The following PRKG1 variants were observed in gnomAD, a reference collection of about 807,000 sequenced individuals.
The protein encoded by PRKG1 is cGMP-dependent protein kinase 1.
PRKG1 carries 35 observed loss-of-function variants against 88.1 expected under a neutral mutation model. The observed-to-expected ratio is 0.40, with a 90% CI of 0.30 to 0.53. PRKG1 has a LOEUF of 0.53. Among genes scored for constraint, PRKG1 ranks in the 20% least tolerant of loss-of-function variants. The pLI, the probability that PRKG1 is intolerant of heterozygous loss-of-function variation, is 0.59. For synonymous variants in PRKG1, 303 were observed against 292.5 expected, an observed-to-expected ratio of 1.04 and a Z score of -0.37; for missense variants, 540 against 839.8, an observed-to-expected ratio of 0.64 and a Z score of 4.41.
intron 5 of PRKG1, among the ~76,000 whole-genome samples, chr10:51,939,150 G>A (rs1241185449): frequency 6.6e-6 from 1 of 151,976 alleles, no homozygotes; most frequent in African/African-American, 2.4e-5. Context: ...TATTCTCTTA[G>A]TGTTGCTCCA....
At chr10:51,705,147 G>A (rs1305375950) in intron 3 of PRKG1, among the ~76,000 whole-genome samples, 3 of 151,922 alleles carry the variant, frequency 2.0e-5, no homozygotes, top group African/African-American at 7.3e-5. Context: ...ATTTGTCAGG[G>A]ATGCTTCCTT....
At chr10:51,566,937 AGAG>A (rs150245409) in intron 3 of PRKG1, among the ~76,000 whole-genome samples, 9 of 151,238 alleles carry the variant, frequency 6.0e-5, no homozygotes, top group African/African-American at 2.2e-4. Flanking sequence ...TAAAAAAAAA[AGAG>A]AGAGAGAGAA....
At chr10:52,196,172 C>T (rs971115979) in intron 9 of PRKG1, among the ~76,000 whole-genome samples, 1 of 152,102 alleles carries the variant, frequency 6.6e-6, no homozygotes, top group African/African-American at 2.4e-5. Flanking sequence ...GCCACCACGC[C>T]TGGCTAATTT....
intron 7 of PRKG1, among the ~76,000 whole-genome samples, chr10:52,072,158 C>CTTTTTTTTTTTT (rs60576406): frequency 1.5e-4 from 6 of 39,564 alleles, no homozygotes; most frequent in Admixed American, 4.4e-4. Context: ...TATTGTTTTG[C>CTTTTTTTTTTTT]TTTTTTTTTT....
At chr10:51,248,398 T>C (rs943029765) in intron 2 of PRKG1, among the ~76,000 whole-genome samples, 2 of 151,878 alleles carry the variant, frequency 1.3e-5, no homozygotes, top group African/African-American at 4.8e-5. Context: ...TTATTATTAA[T>C]GTTTTATTAA....
Position 52,293,185 on chromosome 10 carries a change from C to G in PRKG1, c.1963-617C>G, listed in dbSNP as rs530738270. On this transcript the variant is annotated intron_variant, in intron 17 of 17. Transcript: ENST00000373980. The stretch of plus-strand genomic sequence containing the variant: ...AATTGCTTCAAAGAGAATAAAATAC[C>G]TAGGAATCCAACTTCCAAGGGATGT... Among the ~76,000 whole-genome samples the G allele has an allele frequency of 1.6e-3, 234 of 150,788 alleles. 1 individual carries two copies. The highest frequency in any genetic ancestry group is 2.2e-3 in the Non-Finnish European group (146 of 67,772).
At chr10:52,276,600 C>G (rs1437603572) in intron 12 of PRKG1, among the ~76,000 whole-genome samples, 4 of 152,102 alleles carry the variant, frequency 2.6e-5, no homozygotes, top group Admixed American at 6.6e-5. Context: ...CCACCCATCC[C>G]CAAAGAGGGC....
Position 51,881,266 on chromosome 10 carries a change from G to T in PRKG1, c.699-26241G>T, listed in dbSNP as rs538166899. ...TCACTTATCTACTGAGGTATAACAAGCTAACCCAAACCTTAGACTGTTAAA... is the reference window on the plus strand; with the variant it reads ...TCACTTATCTACTGAGGTATAACAATCTAACCCAAACCTTAGACTGTTAAA... On this transcript the variant is annotated intron_variant, in intron 4 of 17. Coordinates refer to ENST00000373980, the MANE Select transcript of PRKG1 (RefSeq NM_006258.4). Among the ~76,000 whole-genome samples, 5 of 152,258 alleles carry T rather than the reference G, an allele frequency of 3.3e-5. No homozygotes were observed. In the East Asian group the frequency reaches 9.6e-4, roughly 29 times the overall value.
chr10:52,170,034 G>T (rs1838621061), intron 9 of PRKG1, among the ~76,000 whole-genome samples: 1 of 152,130 alleles, frequency 6.6e-6, no homozygotes, highest in Non-Finnish European at 1.5e-5. Context: ...CTTATACTGA[G>T]TAGCATTCCC....
rs76618310 is a variant in PRKG1, at chr10:52,135,889, A to G, written c.1001+1984A>G. Among the ~76,000 whole-genome samples, 970 of 152,180 alleles carry G rather than the reference A, an allele frequency of 6.4e-3. 6 individuals carry two copies. The highest frequency in any genetic ancestry group is 0.022 in the African/African-American group (895 of 41,528). On this transcript the variant is annotated intron_variant, in intron 8 of 17. Transcript: ENST00000373980. ...GAATTGCATGAAAGAATCGAGAAGA[A>G]GATTAAAGAGCCAAGGCTAGATTTG...
chr10:51,987,852 G>A (rs1286693716), intron 5 of PRKG1, among the ~76,000 whole-genome samples: 3 of 151,948 alleles, frequency 2.0e-5, no homozygotes, highest in Admixed American at 6.6e-5. Flanking sequence ...CAAGAAAACG[G>A]CCACAAGGAG....
chr10:51,693,548 C>T (rs566335371), intron 3 of PRKG1, among the ~76,000 whole-genome samples: 1 of 151,982 alleles, frequency 6.6e-6, no homozygotes, highest in Non-Finnish European at 1.5e-5. Flanking sequence ...ATTACTGGGG[C>T]CTGCCAACAT....
chr10:51,849,873 T>A (rs967777086), intron 4 of PRKG1, among the ~76,000 whole-genome samples: 1 of 149,560 alleles, frequency 6.7e-6, no homozygotes, highest in Non-Finnish European at 1.5e-5. Flanking sequence ...TTTTAGTAGT[T>A]TTTTTAAAAA....
chr10:51,849,863 T>C lies in PRKG1; in HGVS notation c.698+45173T>C, dbSNP rs182519631. 1.9e-3 allele frequency among the ~76,000 whole-genome samples: 290 copies of C among 152,070 alleles called. 1 individual carries two copies. Among genetic ancestry groups the C allele is most frequent in the African/African-American group, 5.5e-3 (227 of 41,396 alleles). On this transcript the variant is annotated intron_variant, in intron 4 of 17. Coordinates refer to ENST00000373980, the MANE Select transcript of PRKG1 (RefSeq NM_006258.4). ...TTGATGGGGCCTTAAGCATACAGAA[T>C]TTTAGTAGTTTTTTTAAAAAAGATC...
intron 3 of PRKG1, among the ~76,000 whole-genome samples, chr10:51,556,499 G>A (rs1837315497): frequency 6.6e-6 from 1 of 151,840 alleles, no homozygotes; most frequent in Non-Finnish European, 1.5e-5. Context: ...CTCATCAATG[G>A]TGGACTGGAA....
chr10:51,109,439 T>C (rs1844926293), intron 1 of PRKG1, among the ~76,000 whole-genome samples: 1 of 151,956 alleles, frequency 6.6e-6, no homozygotes, highest in African/African-American at 2.4e-5. Flanking sequence ...AACACATATA[T>C]AGATACATGA....
At chr10:51,425,398 T>C (rs1009576954) in intron 2 of PRKG1, among the ~76,000 whole-genome samples, 5 of 152,234 alleles carry the variant, frequency 3.3e-5, no homozygotes, top group African/African-American at 1.2e-4. Flanking sequence ...TCTGCTACTT[T>C]GTATTTTTGC....
chr10:52,293,492 G>A (rs546221103), intron 17 of PRKG1, among the ~76,000 whole-genome samples: 28 of 152,238 alleles, frequency 1.8e-4, no homozygotes, highest in Non-Finnish European at 3.2e-4. Context: ...GAGGCATCAC[G>A]CTACATGATC....
intron 2 of PRKG1, among the ~76,000 whole-genome samples, chr10:51,238,272 A>T (rs1389362818): frequency 6.6e-6 from 1 of 152,076 alleles, no homozygotes; most frequent in Admixed American, 6.6e-5. Context: ...GTTGCTATAG[A>T]CCATTTTGTG....
Sources: allele counts gnomAD v4.1 joint callset (sites outside exome capture counted in the v4.1 genomes callset), GRCh38; gene constraint gnomAD v4.1.1; transcripts MANE v1.5; gene names NCBI Gene and HGNC (gene_info 2026-07-23, HGNC 2026-07-21).